The following GRM8 variants were observed in gnomAD, a reference collection of about 807,000 sequenced individuals.
The protein encoded by GRM8 is glutamate metabotropic receptor 8.
Under a neutral mutation model 87.2 loss-of-function variants are expected in GRM8, and 47 were observed. The observed-to-expected ratio is 0.54, with a 90% CI of 0.43 to 0.69. GRM8 has a LOEUF of 0.69. Among genes scored for constraint, GRM8 ranks in the 30% least tolerant of loss-of-function variants. The pLI is 0.00. For synonymous variants in GRM8, 396 were observed against 404.5 expected, an observed-to-expected ratio of 0.98 and a Z score of 0.25; for missense variants, 1,019 against 1,139.2, an observed-to-expected ratio of 0.89 and a Z score of 1.52.
At chr7:127,238,150 A>G (rs557944888) in intron 2 of GRM8, among the ~76,000 whole-genome samples, 14 of 152,278 alleles carry the variant, frequency 9.2e-5, no homozygotes, top group African/African-American at 3.1e-4. Flanking sequence ...ACCTCTGTAT[A>G]GGATGGAGCT....
chr7:127,080,593 T>C (rs1345078645), intron 3 of GRM8: 4 of 152,150 alleles, frequency 2.6e-5, no homozygotes, highest in Middle Eastern at 6.3e-3. Flanking sequence ...GTGACTGAAT[T>C]CTGGCCAAGG....
chr7:126,483,287 G>A (rs945387481), intron 9 of GRM8, among the ~76,000 whole-genome samples: 9 of 148,792 alleles, frequency 6.0e-5, no homozygotes, highest in African/African-American at 9.9e-5. Context: ...CATTTATCTG[G>A]TCTAGAGTAT....
chr7:126,494,035 A>G (rs1179202281), intron 9 of GRM8, among the ~76,000 whole-genome samples: 1 of 151,960 alleles, frequency 6.6e-6, no homozygotes, highest in Non-Finnish European at 1.5e-5. Flanking sequence ...AATCACACTC[A>G]TGGCCACTGG....
chr7:126,632,465 A>G (rs747720497), intron 7 of GRM8, among the ~76,000 whole-genome samples: 1 of 152,182 alleles, frequency 6.6e-6, no homozygotes, highest in African/African-American at 2.4e-5. Flanking sequence ...ACTGTGGAAG[A>G]CAGTTTGGCA....
At chr7:126,968,681 T>A (rs1164630841) in intron 3 of GRM8, among the ~76,000 whole-genome samples, 1 of 152,138 alleles carries the variant, frequency 6.6e-6, no homozygotes, top group African/African-American at 2.4e-5. Context: ...AGGAAACCAT[T>A]TGATTCAAAG....
At chr7:127,221,213 CAG>C (rs1428974622) in intron 2 of GRM8, among the ~76,000 whole-genome samples, 1 of 152,186 alleles carries the variant, frequency 6.6e-6, no homozygotes, top group Non-Finnish European at 1.5e-5. Flanking sequence ...ACATGTAAGG[CAG>C]AGAGGCTGAA....
intron 2 of GRM8, among the ~76,000 whole-genome samples, chr7:127,159,807 A>C (rs561878543): frequency 6.6e-5 from 10 of 151,916 alleles, no homozygotes; most frequent in South Asian, 6.2e-4. Flanking sequence ...GGTTTTTATT[A>C]AATTACAGCA....
In GRM8 at chr7:126,833,405, C is replaced by T. The variant is rs540740907; in HGVS notation, c.1157-63340G>A. Among the ~76,000 whole-genome samples, 6 of 152,266 alleles carry T rather than the reference C, an allele frequency of 3.9e-5. No homozygotes were observed. In the East Asian group the frequency reaches 9.6e-4, roughly 24 times the overall value. On this transcript the variant is annotated intron_variant, in intron 6 of 10. Transcript: ENST00000339582. ...GATACAGGTAGTTTTGCCTAGGATA[C>T]TAGTTATCTTAGTTTGTTCAGTCTG...
chr7:126,813,088 A>G (rs1192245182), intron 6 of GRM8, among the ~76,000 whole-genome samples: 1 of 152,076 alleles, frequency 6.6e-6, no homozygotes, highest in East Asian at 1.9e-4. Context: ...GGGTGATGAA[A>G]TAATCTGTAC....
chr7:126,996,482 CTG>C (rs1402587736), intron 3 of GRM8, among the ~76,000 whole-genome samples: 3 of 151,900 alleles, frequency 2.0e-5, no homozygotes, highest in Non-Finnish European at 4.4e-5. Flanking sequence ...GAACTAAACT[CTG>C]TAATCAAAAA....
At chr7:126,469,678 C>T (rs1804924789) in intron 9 of GRM8, among the ~76,000 whole-genome samples, 1 of 152,116 alleles carries the variant, frequency 6.6e-6, no homozygotes, top group Non-Finnish European at 1.5e-5. Context: ...CTCCTTCTGC[C>T]ATGATTCTAA....
intron 3 of GRM8, among the ~76,000 whole-genome samples, chr7:127,072,072 G>A (rs1821748530): frequency 6.6e-6 from 1 of 151,782 alleles, no homozygotes; most frequent in South Asian, 2.1e-4. Context: ...ACCGAGACAT[G>A]GTGAGGTTTA....
intron 3 of GRM8, among the ~76,000 whole-genome samples, chr7:126,949,240 G>A (rs1807874525): frequency 6.6e-6 from 1 of 152,060 alleles, no homozygotes; most frequent in Admixed American, 6.5e-5. Flanking sequence ...CCTGAGACAT[G>A]GTCCTAAAAG....
chr7:126,939,980 G>A (rs1806735793), intron 3 of GRM8, among the ~76,000 whole-genome samples: 1 of 152,198 alleles, frequency 6.6e-6, no homozygotes, highest in Admixed American at 6.5e-5. Flanking sequence ...CAAAGAAAAT[G>A]TTATCTTAAC....
At chr7:126,449,729 A>G (rs933121144) in intron 9 of GRM8, among the ~76,000 whole-genome samples, 2 of 152,032 alleles carry the variant, frequency 1.3e-5, no homozygotes, top group South Asian at 2.1e-4. Flanking sequence ...ACAGCTCATC[A>G]GAATGCAGGA....
At chr7:126,690,074 G>A (rs927600216) in intron 7 of GRM8, among the ~76,000 whole-genome samples, 9 of 152,326 alleles carry the variant, frequency 5.9e-5, no homozygotes, top group African/African-American at 2.2e-4. Flanking sequence ...TGTTGGAGCT[G>A]GGAATTGCTT....
intron 6 of GRM8, among the ~76,000 whole-genome samples, chr7:126,798,147 G>T (rs1214865294): frequency 7.1e-6 from 1 of 140,252 alleles, no homozygotes; most frequent in Non-Finnish European, 1.5e-5. Context: ...CATTATATTG[G>T]GATTAATACC....
At chr7:126,818,826 C>A (rs1190195017) in intron 6 of GRM8, among the ~76,000 whole-genome samples, 1 of 152,142 alleles carries the variant, frequency 6.6e-6, no homozygotes, top group Non-Finnish European at 1.5e-5. Flanking sequence ...TGACTCATTG[C>A]CTAATACTCA....
intron 3 of GRM8, among the ~76,000 whole-genome samples, chr7:127,012,063 T>C (rs995751677): frequency 2.0e-5 from 3 of 152,138 alleles, no homozygotes; most frequent in East Asian, 1.9e-4. Flanking sequence ...CCTAAGGAAA[T>C]GTGAGTGTAG....
Sources: gnomAD v4.1 joint callset for allele counts (sites outside exome capture counted in the v4.1 genomes callset) on GRCh38, gnomAD v4.1.1 for gene constraint, MANE v1.5 for transcripts, NCBI Gene and HGNC (gene_info 2026-07-23, HGNC 2026-07-21) for gene names.